FRMD8: variants seen among roughly 807,000 people sequenced by gnomAD.
FRMD8 encodes FERM domain containing 8.
Under a neutral mutation model 54.2 loss-of-function variants are expected in FRMD8, and 37 were observed. The ratio of observed to expected loss-of-function variants is 0.68; its 90% CI spans 0.53 to 0.90. The LOEUF is 0.90. Among genes scored for constraint, FRMD8 ranks in the 40% least tolerant of loss-of-function variants. FRMD8 has a pLI of 0.00. For synonymous variants in FRMD8, 246 were observed against 286.9 expected (o/e 0.86, Z 1.44); for missense variants, 585 against 653.7 (o/e 0.89, Z 1.15).
At chr11:65,376,227 C>T in the FRMD8 span, 2 of 685,448 alleles carry the variant, frequency 2.9e-6, no homozygotes, top group Non-Finnish European at 4.8e-6. Context: ...CTGCACAGGC[C>T]CCCTGGCTTC....
chr11:65,388,046 C>G (rs375427605), intron 2 of FRMD8, among the ~76,000 whole-genome samples: 3 of 152,090 alleles, frequency 2.0e-5, no homozygotes, highest in South Asian at 4.1e-4. Flanking sequence ...TGCCTGTAAT[C>G]CCAGCTACTC....
intron 3 of FRMD8, among the ~76,000 whole-genome samples, chr11:65,393,067 C>G (rs115517674): frequency 6.6e-6 from 1 of 152,134 alleles, no homozygotes; most frequent in Non-Finnish European, 1.5e-5. Flanking sequence ...GTGTGGGCCA[C>G]GGAGGTGCAG....
chr11:65,396,569 C>T (rs1305255541), intron 6 of FRMD8, among the ~76,000 whole-genome samples: 1 of 152,184 alleles, frequency 6.6e-6, no homozygotes, highest in Non-Finnish European at 1.5e-5. Flanking sequence ...TACAGCTGCT[C>T]TCGGCAGAAG....
chr11:65,389,642 G>A (rs1855804162), intron 3 of FRMD8, 114 bp downstream of exon 3: 4 of 1,108,230 alleles, frequency 3.6e-6, no homozygotes, highest in Admixed American at 2.4e-5. Context: ...CTGCCCATGG[G>A]GAAAGGTGGG....
At chr11:65,406,091 G>C (rs1354622157) in intron 10 of FRMD8, among the ~76,000 whole-genome samples, 1 of 151,176 alleles carries the variant, frequency 6.6e-6, no homozygotes, top group Non-Finnish European at 1.5e-5. Context: ...ACAGTGGCAT[G>C]ATCTCGGCTC....
Position 65,406,997 on chromosome 11 carries a change from T to C in FRMD8, c.1276+1929T>C, listed in dbSNP as rs755346456. Among the ~76,000 whole-genome samples, 12 of 152,108 alleles carry C rather than the reference T, an allele frequency of 7.9e-5. No homozygotes were observed. In the South Asian group the frequency reaches 8.3e-4, roughly 11 times the overall value. On this transcript the variant is annotated intron_variant, in intron 10 of 10. Coordinates refer to ENST00000317568, the MANE Select transcript of FRMD8 (RefSeq NM_031904.5). ...AGGAATACCCTAAATGCATCTTGTGTCAGATCCTGGAAGAGAGGACATTTG... is the reference window on the plus strand; with the variant it reads ...AGGAATACCCTAAATGCATCTTGTGCCAGATCCTGGAAGAGAGGACATTTG...
chr11:65,391,597 G>A (rs1034674195), intron 3 of FRMD8, among the ~76,000 whole-genome samples: 31 of 151,940 alleles, frequency 2.0e-4, no homozygotes, highest in Non-Finnish European at 3.7e-4. Context: ...TGCAACCTCC[G>A]CCTCCTGGGT....
chr11:65,392,702 G>A (rs973712807), intron 3 of FRMD8, among the ~76,000 whole-genome samples: 22 of 152,234 alleles, frequency 1.4e-4, no homozygotes, highest in Admixed American at 4.6e-4. Flanking sequence ...GGGATACGGC[G>A]GTGGACAATT....
At chr11:65,378,520 G>T in the FRMD8 span, 1 of 152,082 alleles carries the variant, frequency 6.6e-6, no homozygotes, top group Non-Finnish European at 1.5e-5. Context: ...GATGTGGCTC[G>T]CGGGGCTCAG....
the FRMD8 span, chr11:65,377,436 C>G: frequency 9.3e-7 from 1 of 1,070,060 alleles, no homozygotes. Context: ...GTACGGTGGG[C>G]AGGGCCAAGT....
chr11:65,409,783 AAG>A (rs751292598), intron 10 of FRMD8, among the ~76,000 whole-genome samples: 8 of 151,788 alleles, frequency 5.3e-5, no homozygotes, highest in African/African-American at 7.3e-5. Flanking sequence ...AAAAAAGAAA[AAG>A]AAAAATTTAT....
intron 10 of FRMD8, 62 bp downstream of exon 10, chr11:65,405,130 G>C: frequency 6.6e-7 from 1 of 1,506,016 alleles, no homozygotes; most frequent in South Asian, 1.2e-5. Context: ...ACACCGGGGG[G>C]AGTTCCTGAG....
the FRMD8 span, chr11:65,377,164 G>T: frequency 6.7e-7 from 1 of 1,499,628 alleles, no homozygotes; most frequent in East Asian, 2.4e-5. Flanking sequence ...AGGCAGGCAG[G>T]GGGCCACATC....
At chr11:65,392,109 T>C (rs1156857898) in intron 3 of FRMD8, among the ~76,000 whole-genome samples, 1 of 152,076 alleles carries the variant, frequency 6.6e-6, no homozygotes, top group East Asian at 1.9e-4. Flanking sequence ...CTGGAGGTGG[T>C]GACAGATGGG....
rs763645283 is a variant in FRMD8 at position 65,394,305 on chromosome 11, G to T, written c.461G>T (p.Gly154Val). 4 of 1,591,886 alleles carry T rather than the reference G, an allele frequency of 2.5e-6. No homozygotes were observed. The African/African-American group carries it at 5.4e-5, about 21-fold the overall frequency. The part of the protein sequence containing the change: ...VLRLLYEEAK[G>V]NVLAARYPCD... ...CGGCTGCTCTATGAGGAGGCCAAGG[G>T]CAACGTGCTGGCTGCACGGTACCCG... is the stretch of plus-strand genomic sequence containing the variant. The change falls in exon 6 of 11, where the codon GGC (glycine) becomes GTC (valine). Residue 154 changes from glycine (G) to valine (V), a missense_variant. Transcript: ENST00000317568.
intron 9 of FRMD8, among the ~76,000 whole-genome samples, chr11:65,402,665 C>T (rs986969471): frequency 5.9e-5 from 9 of 152,248 alleles, no homozygotes; most frequent in Middle Eastern, 3.4e-3. Flanking sequence ...TTATTGAGAT[C>T]GCATTGATTA....
At chr11:65,377,241 G>A in the FRMD8 span, 6 of 1,432,492 alleles carry the variant, frequency 4.2e-6, no homozygotes, top group East Asian at 2.5e-5. Context: ...GGATGGCCAG[G>A]ATGTCTGCAT....
At chr11:65,379,903 G>A in the FRMD8 span, 23 of 1,614,092 alleles carry the variant, frequency 1.4e-5, no homozygotes, top group South Asian at 1.5e-4. Flanking sequence ...TGCAATCAAC[G>A]ATGCCCCGGT....
Position 65,400,200 on chromosome 11 carries a change from C to G in FRMD8, c.927+341C>G, listed in dbSNP as rs1311494570. ...GCGACGGGAGCCCTCTTGGGCTGAC[C>G]GTGTCCTCTTCTTTCTGCGTTTGGT... On this transcript the variant is annotated intron_variant, in intron 8 of 10. Transcript: ENST00000317568. The surrounding 1 kb of genome is among the most constrained non-coding windows in gnomAD (Gnocchi z 4.3). Among the ~76,000 whole-genome samples, 1 of 152,192 alleles carries G rather than the reference C, an allele frequency of 6.6e-6. No individual in the cohort carries two copies. The highest frequency in any genetic ancestry group is 1.5e-5 in the Non-Finnish European group (1 of 68,038).
Sources: allele counts gnomAD v4.1 joint callset (sites outside exome capture counted in the v4.1 genomes callset), GRCh38; gene constraint gnomAD v4.1.1; non-coding constraint Gnocchi (gnomAD v3.1); transcripts MANE v1.5; gene names NCBI Gene and HGNC (gene_info 2026-07-23, HGNC 2026-07-21).